The following ESPN variants were observed in gnomAD, a reference collection of about 807,000 sequenced individuals.
ESPN encodes autosomal recessive deafness type 36 protein.
ESPN carries 68 observed loss-of-function variants against 77.7 expected under a neutral mutation model. The ratio of observed to expected loss-of-function variants is 0.87; its 90% CI spans 0.72 to 1.07. The LOEUF (loss-of-function observed/expected upper bound fraction) is 1.07. Ranked by LOEUF, ESPN falls within the 50% of genes least tolerant of loss-of-function variation. The pLI is 0.00. For synonymous variants in ESPN, 449 were observed against 567.1 expected (o/e 0.79, Z 2.96); for missense variants, 1,060 against 1,239.0 (o/e 0.86, Z 2.17).
Position 6,457,190 on chromosome 1 carries a change from G to A in ESPN, c.2332G>A (p.Glu778Lys), listed in dbSNP as rs1644071285. Residue 778 changes from glutamate (E) to lysine (K), a missense_variant, in exon 11 of 13, where the codon GAG becomes AAG. Physicochemically the swap from Glu to Lys is moderately conservative, Grantham distance 56. This residue lies in a region of ESPN where 374 missense variants were observed against 381.4 expected (regional missense o/e 0.98). Coordinates refer to ENST00000645284, the MANE Select transcript of ESPN (RefSeq NM_031475.3). ...EEEEQRRKEE[E>K]EEARLASMPA... ...CTTTGTGGTTGTGTTTCAGGAGGAG[G>A]AGGAGGAGGCCCGGCTGGCCAGCAT... 6.2e-7 allele frequency: 1 copy of A among 1,601,794 alleles called. No individual in the cohort carries two copies. The highest frequency in any genetic ancestry group is 8.5e-7 in the Non-Finnish European group (1 of 1,173,992).
At chr1:6,440,884 G>C (rs771961537) in intron 4 of ESPN, 50 bp from the exon 5 acceptor site, 1 of 1,537,504 alleles carries the variant, frequency 6.5e-7, no homozygotes, top group Non-Finnish European at 8.7e-7. Flanking sequence ...CCCGGGCGCG[G>C]GGGTCCCAGC....
chr1:6,439,614 A>G (rs543369787), intron 2 of ESPN, among the ~76,000 whole-genome samples: 1 of 152,270 alleles, frequency 6.6e-6, no homozygotes, highest in East Asian at 1.9e-4. Flanking sequence ...GGGGGCACAC[A>G]ATGAAAGGGA....
Position 6,444,645 on chromosome 1 carries a change from C to G in ESPN, c.1155C>G (p.Ser385=). 6.2e-7 allele frequency: 1 copy of G among 1,614,200 alleles called. No homozygotes were observed. The highest frequency in any genetic ancestry group is 8.5e-7 in the Non-Finnish European group (1 of 1,180,022). ...STLSNYDSCS[S]SHSSIKGQHP... is the part of the protein sequence containing the mutation. Reference sequence around the variant, plus strand: ...TCTCCAACTACGACTCCTGCTCCTCCAGCCACTCCAGCATCAAGGGCCAGC... The same window carrying G: ...TCTCCAACTACGACTCCTGCTCCTCGAGCCACTCCAGCATCAAGGGCCAGC... Residue 385 remains serine (S), a synonymous_variant, in exon 6 of 13, where the codon TCC becomes TCG. Transcript: ENST00000645284.
At chr1:6,458,008 G>GAAAAAA (rs34724255) in intron 12 of ESPN, among the ~76,000 whole-genome samples, 1 of 85,622 alleles carries the variant, frequency 1.2e-5, no homozygotes, top group South Asian at 3.8e-4. Flanking sequence ...CTCATTCTGC[G>GAAAAAA]AAAAAAAAAA....
chr1:6,429,918 G>T (rs1643179839), intron 2 of ESPN: 1 of 153,952 alleles, frequency 6.5e-6, no homozygotes, highest in African/African-American at 2.4e-5. Context: ...GAATCTCAGG[G>T]AGGTGGACAG....
chr1:6,442,344 G>A (rs1169627774), intron 5 of ESPN, among the ~76,000 whole-genome samples: 3 of 152,158 alleles, frequency 2.0e-5, no homozygotes, highest in African/African-American at 4.8e-5. Context: ...GCAAAGGCAG[G>A]CAGATCACGA....
chr1:6,427,953 G>C lies in ESPN; in HGVS notation c.295-273G>C, dbSNP rs1643099866. Among the ~76,000 whole-genome samples, 1 of 151,922 alleles carries C rather than the reference G, an allele frequency of 6.6e-6. No individual in the cohort carries two copies. The highest frequency in any genetic ancestry group is 2.4e-5 in the African/African-American group (1 of 41,370). ...GTGCCTGTCGTGTAGGCAGCTCGCA[G>C]TCAGGACCTGCAGCCTCTGAAAACC... On this transcript the variant is annotated intron_variant, in intron 1 of 12. Transcript: ENST00000645284. The surrounding 1 kb of genome is among the most constrained non-coding windows in gnomAD (Gnocchi z 4.6).
At chr1:6,431,628 C>CAAAAAAAAAAAAAAAAAAAA in intron 2 of ESPN, among the ~76,000 whole-genome samples, 1 of 61,760 alleles carries the variant, frequency 1.6e-5, no homozygotes, top group Non-Finnish European at 3.7e-5. Context: ...AAGATTCTGT[C>CAAAAAAAAAAAAAAAAAAAA]AAAAAAAAAA....
Position 6,448,836 on chromosome 1 carries a change from C to T in ESPN, c.1660C>T (p.Pro554Ser). 2 of 1,237,228 alleles carry T rather than the reference C, an allele frequency of 1.6e-6. No homozygotes were observed. The highest frequency in any genetic ancestry group is 4.4e-5 in the Admixed American group (1 of 22,964). 76.6% of individuals were successfully genotyped at this position (1,237,228 alleles called of 1,614,324 possible). A position where few individuals can be genotyped will look rare whatever the true frequency, so the allele number is the denominator to read the frequency against. Residue 554 changes from proline to serine, a missense_variant, in exon 8 of 13, where the codon CCG (proline) becomes TCG (serine). Physicochemically the swap from Pro to Ser is moderately conservative, Grantham distance 74. Around this residue, in one of 3 missense-constraint regions of ESPN, gnomAD observed 130 missense variants for 223.9 expected, o/e 0.58. Transcript: ENST00000645284. The stretch of plus-strand genomic sequence containing the variant: ...CCGCCAGCCCGCGCGCGCCGGCTGC[C>T]CGCGCCTCGGCCCTGCCGCCCGCGG... ...RARQPARAGC[P>S]RLGPAARGSL... is the part of the protein sequence containing the mutation.
At position 6,424,948 on chromosome 1, in the gene ESPN, G is replaced by T; in HGVS notation, c.-8G>T. ...TGAGTGCGGAGTCGCGGCGCCGCACGCGGCACCATGGCCCTGGAGCAGGCG... is the reference window on the plus strand; with the variant it reads ...TGAGTGCGGAGTCGCGGCGCCGCACTCGGCACCATGGCCCTGGAGCAGGCG... On this transcript the variant is annotated 5_prime_UTR_variant, in exon 1 of 13. Coordinates refer to ENST00000645284, the MANE Select transcript of ESPN (RefSeq NM_031475.3). 7.0e-7 allele frequency: 1 copy of T among 1,437,024 alleles called. No homozygotes were observed. The highest frequency in any genetic ancestry group is 9.1e-7 in the Non-Finnish European group (1 of 1,097,632). 89.0% of individuals were successfully genotyped at this position (1,437,024 alleles called of 1,614,324 possible).
At position 6,452,001 on chromosome 1, in the gene ESPN, G is replaced by C. The variant is rs121908135; in HGVS notation, c.2230G>C (p.Asp744His). 6.2e-7 allele frequency: 1 copy of C among 1,605,368 alleles called. No homozygotes were observed. Among genetic ancestry groups the C allele is most frequent in the Non-Finnish European group, 8.5e-7 (1 of 1,175,750 alleles). ...CGTGGAGGCTCTCATCCCCACGCAC[G>C]ATGAGCAGGGCCGGCCCATCCCCGA... ...LDVEALIPTH[D>H]EQGRPIPEWK... The change falls in exon 10 of 13, where the codon GAT becomes CAT. Residue 744 changes from aspartate (D) to histidine (H), a missense_variant. Coordinates refer to ENST00000645284, the MANE Select transcript of ESPN (RefSeq NM_031475.3).
intron 10 of ESPN, chr1:6,456,007 A>C (rs894012992): frequency 3.0e-5 from 12 of 397,314 alleles, no homozygotes; most frequent in Admixed American, 1.8e-4. Context: ...CCTGCGCCGC[A>C]GCCGCCGCCG....
chr1:6,457,489 A>G, intron 12 of ESPN, 117 bp downstream of exon 12: 1 of 1,245,262 alleles, frequency 8.0e-7, no homozygotes, highest in Non-Finnish European at 1.2e-6. Context: ...CTTGTAGCAC[A>G]GCCTCCTTCC....
chr1:6,428,382 T>C lies in ESPN; in HGVS notation c.451T>C (p.Phe151Leu), dbSNP rs139223525. Residue 151 changes from phenylalanine (F) to leucine (L), a missense_variant, in exon 2 of 13, where the codon TTC becomes CTC. This residue lies in a region of ESPN where 556 missense variants were observed against 633.6 expected (regional missense o/e 0.88). Transcript: ENST00000645284. This position sits in a 1 kb window ranked among gnomAD's most constrained non-coding sequence, Gnocchi z 5.4. ...PIHYAAAKGDFPSLRLLVEHY... is the reference protein window; with the variant it reads ...PIHYAAAKGDLPSLRLLVEHY... ...CCACTACGCTGCCGCCAAAGGAGAC[T>C]TCCCCTCCCTGAGGCTTCTCGTCGA... 28 of 1,612,660 alleles carry C rather than the reference T, an allele frequency of 1.7e-5. No individual in the cohort carries two copies. Among genetic ancestry groups the C allele is most frequent in the Non-Finnish European group, 2.2e-5 (26 of 1,179,558 alleles).
rs758298435 is a variant in ESPN at position 6,445,937 on chromosome 1, T to G, written c.1464+2T>G. Reference sequence around the variant, plus strand: ...GAGACAGAGGCCCTCAAGAAGGAGGTAGTGAGCCCTCACCCCCTGCCTGCC... The same window carrying G: ...GAGACAGAGGCCCTCAAGAAGGAGGGAGTGAGCCCTCACCCCCTGCCTGCC... On this transcript the variant is annotated splice_donor_variant, in intron 7 of 12. Transcript: ENST00000645284. LOFTEE classifies it high-confidence loss of function. 2 of 1,610,926 alleles carry G rather than the reference T, an allele frequency of 1.2e-6. No individual in the cohort carries two copies. The highest frequency in any genetic ancestry group is 2.2e-5 in the South Asian group (2 of 90,902).
rs9434775 is a variant in ESPN, at chr1:6,453,192, C to T, written c.2325+1096C>T. ...TACAGGCGTGAGCCACCACGCCTGG[C>T]CCCCGAGTGCCATTTATGTGCCCCA... On this transcript the variant is annotated intron_variant, in intron 10 of 12. Transcript: ENST00000645284. Among the ~76,000 whole-genome samples the T allele has an allele frequency of 3.8e-3, 577 of 152,348 alleles. 3 individuals are homozygous for T. Among genetic ancestry groups the T allele is most frequent in the African/African-American group, 0.013 (557 of 41,580 alleles).
chr1:6,458,661 T>C (rs1644096066), intron 12 of ESPN, among the ~76,000 whole-genome samples: 1 of 151,080 alleles, frequency 6.6e-6, no homozygotes, highest in Admixed American at 6.6e-5. Flanking sequence ...CTGGGCGCAG[T>C]GGCTCATACC....
chr1:6,454,456 G>C (rs1644012982), intron 10 of ESPN: 1 of 398,860 alleles, frequency 2.5e-6, no homozygotes, highest in African/African-American at 2.1e-5. Flanking sequence ...AGCTCGTGCT[G>C]CTACCCCCGC....
intron 8 of ESPN, among the ~76,000 whole-genome samples, chr1:6,449,539 T>G (rs1380342843): frequency 6.6e-6 from 1 of 152,094 alleles, no homozygotes; most frequent in Non-Finnish European, 1.5e-5. Context: ...CCCCTGCCCG[T>G]CTATCCTGAG....
Sources: gnomAD v4.1 joint callset for allele counts (sites outside exome capture counted in the v4.1 genomes callset) on GRCh38, gnomAD v4.1.1 for gene constraint, gnomAD v4.1.1 regional missense constraint, Gnocchi (gnomAD v3.1) non-coding constraint, MANE v1.5 for transcripts, NCBI Gene and HGNC (gene_info 2026-07-23, HGNC 2026-07-21) for gene names.